IL23R: variants seen among roughly 807,000 people sequenced by gnomAD.
IL23R encodes interleukin 23 receptor.
A neutral mutation model predicts 56.9 loss-of-function variants in IL23R; 34 were observed. The ratio of observed to expected loss-of-function variants is 0.60; its 90% CI spans 0.45 to 0.80. IL23R has a LOEUF of 0.80. Ranked by LOEUF, IL23R falls within the 30% of genes least tolerant of loss-of-function variation. The pLI is 0.00. For missense variants in IL23R, 635 were observed against 730.0 expected (o/e 0.87, Z 1.50); for synonymous variants, 230 against 249.2 (o/e 0.92, Z 0.73).
intron 3 of IL23R, among the ~76,000 whole-genome samples, chr1:67,172,195 AG>A (rs1320720536): frequency 6.6e-6 from 1 of 152,162 alleles, no homozygotes; most frequent in Admixed American, 6.5e-5. Context: ...AGGGTTTTTG[AG>A]GGTTTTGTGG....
At chr1:67,155,941 A>T (rs1469285730) in intron 1 of IL23R, among the ~76,000 whole-genome samples, 2 of 152,144 alleles carry the variant, frequency 1.3e-5, no homozygotes, top group Non-Finnish European at 2.9e-5. Context: ...TCTACCTTTC[A>T]TCTTTGAAGC....
At chr1:67,214,952 A>G (rs1454771259) in intron 6 of IL23R, among the ~76,000 whole-genome samples, 1 of 152,036 alleles carries the variant, frequency 6.6e-6, no homozygotes, top group Non-Finnish European at 1.5e-5. Context: ...CAGACATTGT[A>G]TAGAAGAACA....
At chr1:67,197,044 G>A (rs1648208091) in intron 4 of IL23R, among the ~76,000 whole-genome samples, 1 of 152,194 alleles carries the variant, frequency 6.6e-6, no homozygotes, top group Non-Finnish European at 1.5e-5. Flanking sequence ...AGCTGAGAAG[G>A]GAGTGAGCCC....
intron 3 of IL23R, among the ~76,000 whole-genome samples, chr1:67,175,963 C>T (rs537493339): frequency 6.6e-6 from 1 of 152,230 alleles, no homozygotes; most frequent in East Asian, 1.9e-4. Flanking sequence ...GTAGCTGAGA[C>T]TACAGATATG....
intron 3 of IL23R, among the ~76,000 whole-genome samples, chr1:67,176,253 C>T (rs972976656): frequency 6.6e-6 from 1 of 151,922 alleles, no homozygotes; most frequent in Admixed American, 6.6e-5. Context: ...ACAGGAGTAG[C>T]TGGGGGAGAC....
chr1:67,203,694 C>G (rs540553766), intron 5 of IL23R, among the ~76,000 whole-genome samples: 3 of 152,280 alleles, frequency 2.0e-5, no homozygotes, highest in African/African-American at 7.2e-5. Flanking sequence ...TGAGACAACG[C>G]AAATTAGATA....
At chr1:67,247,964 G>T (rs983077575) in intron 9 of IL23R, among the ~76,000 whole-genome samples, 2 of 152,148 alleles carry the variant, frequency 1.3e-5, no homozygotes, top group Admixed American at 1.3e-4. Flanking sequence ...TGGCTTGTGG[G>T]GTTTCTGCTG....
At chr1:67,184,937 G>C (rs1330151750) in intron 4 of IL23R, among the ~76,000 whole-genome samples, 1 of 152,180 alleles carries the variant, frequency 6.6e-6, no homozygotes, top group Non-Finnish European at 1.5e-5. Flanking sequence ...CCTTCCATAA[G>C]AGGCCTGAAA....
chr1:67,151,930 G>T (rs1646731934), intron 1 of IL23R, among the ~76,000 whole-genome samples: 1 of 152,262 alleles, frequency 6.6e-6, no homozygotes, highest in Non-Finnish European at 1.5e-5. Flanking sequence ...GCTTAGGATT[G>T]TCTTGGCTAT....
intron 6 of IL23R, among the ~76,000 whole-genome samples, chr1:67,218,125 C>A (rs1401407163): frequency 6.6e-6 from 1 of 151,834 alleles, no homozygotes; most frequent in Non-Finnish European, 1.5e-5. Flanking sequence ...TTGTTTGGGG[C>A]TCATTTTTCA....
At chr1:67,232,290 G>A (rs1261586616) in intron 7 of IL23R, among the ~76,000 whole-genome samples, 1 of 152,192 alleles carries the variant, frequency 6.6e-6, no homozygotes, top group Non-Finnish European at 1.5e-5. Context: ...AAGCATCAGT[G>A]CTAAATGGGT....
intron 1 of IL23R, among the ~76,000 whole-genome samples, chr1:67,157,855 G>A (rs898849320): frequency 6.6e-6 from 1 of 152,126 alleles, no homozygotes; most frequent in African/African-American, 2.4e-5. Flanking sequence ...CCAAACTTTT[G>A]TCTGTTTTGT....
chr1:67,262,475 A>G (rs1190684687), downstream of IL23R, among the ~76,000 whole-genome samples: 1 of 152,180 alleles, frequency 6.6e-6, no homozygotes, highest in Non-Finnish European at 1.5e-5. Context: ...AGGAAGTGAT[A>G]CTGATGTTCA....
At chr1:67,254,736 A>G (rs1652845732) in intron 9 of IL23R, among the ~76,000 whole-genome samples, 1 of 152,184 alleles carries the variant, frequency 6.6e-6, no homozygotes, top group South Asian at 2.1e-4. Flanking sequence ...TTAATATGTA[A>G]AAAGGTGTCT....
chr1:67,153,630 GAT>G, intron 1 of IL23R, among the ~76,000 whole-genome samples: 1 of 152,144 alleles, frequency 6.6e-6, no homozygotes, highest in Non-Finnish European at 1.5e-5. Flanking sequence ...GTGTCCCAGA[GAT>G]TCTGGTACAT....
intron 7 of IL23R, among the ~76,000 whole-genome samples, chr1:67,224,971 T>C (rs1455106859): frequency 6.6e-6 from 1 of 152,200 alleles, no homozygotes; most frequent in African/African-American, 2.4e-5. Context: ...TGAAACCATA[T>C]GGCCCAAGCA....
downstream of IL23R, among the ~76,000 whole-genome samples, chr1:67,263,132 T>TTAA (rs149532441): frequency 7.2e-6 from 1 of 139,600 alleles, no homozygotes; most frequent in African/African-American, 2.7e-5. Context: ...TTTTTTTTTT[T>TTAA]AACAGGTCAC....
At chr1:67,153,509 T>C (rs1646745716) in intron 1 of IL23R, among the ~76,000 whole-genome samples, 1 of 152,152 alleles carries the variant, frequency 6.6e-6, no homozygotes, top group Non-Finnish European at 1.5e-5. Context: ...TGTTTGCTCT[T>C]GCTTCTCTGG....
In IL23R at chr1:67,200,878, A is replaced by G. The variant is rs1277983351; in HGVS notation, c.633A>G (p.Gln211=). Residue 211 remains glutamine (Q), a synonymous_variant, in exon 5 of 11, where the codon CAA becomes CAG. Coordinates refer to ENST00000347310, the MANE Select transcript of IL23R (RefSeq NM_144701.3). ...GCATGGAAGAGTCAAAACAACTGCAAATTCACCTGGATGATATAGGTAAAG... is the reference window on the plus strand; with the variant it reads ...GCATGGAAGAGTCAAAACAACTGCAGATTCACCTGGATGATATAGGTAAAG... ...ALGMEESKQL[Q]IHLDDIVIPS... 1 of 1,614,042 alleles carries G rather than the reference A, an allele frequency of 6.2e-7. No homozygotes were observed. Among genetic ancestry groups the G allele is most frequent in the Admixed American group, 1.7e-5 (1 of 60,008 alleles).
Sources: gnomAD v4.1 joint callset for allele counts (sites outside exome capture counted in the v4.1 genomes callset) on GRCh38, gnomAD v4.1.1 for gene constraint, MANE v1.5 for transcripts, NCBI Gene and HGNC (gene_info 2026-07-23, HGNC 2026-07-21) for gene names.